BAZ1B: variants seen among roughly 807,000 people sequenced by gnomAD.
BAZ1B encodes the protein bromodomain adjacent to zinc finger domain 1B.
In BAZ1B, 22 loss-of-function variants were observed where a neutral mutation model predicts 153.8. The ratio of observed to expected loss-of-function variants is 0.14; its 90% CI spans 0.10 to 0.20. The LOEUF is 0.20. BAZ1B is among the 10% of genes least tolerant of loss of function. The pLI is 1.00. For synonymous variants in BAZ1B, 676 were observed against 633.4 expected, an observed-to-expected ratio of 1.07 and a Z score of -1.01; for missense variants, 1,325 against 1,799.3, an observed-to-expected ratio of 0.74 and a Z score of 4.77.
intron 7 of BAZ1B, among the ~76,000 whole-genome samples, chr7:73,474,593 T>A (rs568031641): frequency 5.9e-5 from 9 of 152,238 alleles, no homozygotes; most frequent in Non-Finnish European, 1.2e-4. Context: ...CTGGTCAACA[T>A]GGTGAAAACC....
At chr7:73,511,040 G>A (rs573810702) in intron 1 of BAZ1B, among the ~76,000 whole-genome samples, 188 bp from the exon 2 acceptor site, 6 of 152,192 alleles carry the variant, frequency 3.9e-5, no homozygotes, top group Non-Finnish European at 5.9e-5. Flanking sequence ...GGGAGGCCGA[G>A]GCGGGCGGAT....
At position 73,449,419 on chromosome 7, in the gene BAZ1B, G is replaced by C. The variant is rs1787951354; in HGVS notation, c.3728+123C>G. On this transcript the variant is annotated intron_variant, in intron 15 of 19. Transcript: ENST00000339594. ...CTATTGAAGTACTGTAAATGATCAG[G>C]CTCTGTACCCAAAAGATGAACTTAA... The C allele has an allele frequency of 3.3e-5, 40 of 1,199,138 alleles. 1 individual carries two copies. The South Asian group carries it at 6.7e-4, about 20-fold the overall frequency. The allele number at this position is 1,199,138 out of a possible 1,614,324, so 74.3% of individuals were successfully genotyped here.
chr7:73,488,073 G>A (rs1371472601), intron 6 of BAZ1B, among the ~76,000 whole-genome samples: 1 of 152,112 alleles, frequency 6.6e-6, no homozygotes, highest in Non-Finnish European at 1.5e-5. Context: ...ATAATTAAAT[G>A]AAATGGGAAA....
intron 7 of BAZ1B, 147 bp downstream of exon 7, chr7:73,476,721 T>TAA: frequency 1.5e-6 from 2 of 1,326,208 alleles, no homozygotes; most frequent in Non-Finnish European, 2.0e-6. Context: ...ACAGAACTAA[T>TAA]AAAAAATAAA....
At chr7:73,471,816 G>C (rs1160787846) in intron 7 of BAZ1B, among the ~76,000 whole-genome samples, 3 of 151,430 alleles carry the variant, frequency 2.0e-5, no homozygotes, top group Non-Finnish European at 4.4e-5. Flanking sequence ...TAGCCCAAGT[G>C]AAACTGTGTA....
At chr7:73,455,536 C>A (rs993865772) in intron 13 of BAZ1B, among the ~76,000 whole-genome samples, 4 of 152,060 alleles carry the variant, frequency 2.6e-5, no homozygotes, top group African/African-American at 9.7e-5. Flanking sequence ...AATCTCAGCA[C>A]TTTGGGAGGC....
chr7:73,485,625 GAA>G (rs71517389), intron 6 of BAZ1B, among the ~76,000 whole-genome samples: 169 of 76,226 alleles, frequency 2.2e-3, no homozygotes, highest in African/African-American at 6.0e-3. Flanking sequence ...GCCTACCTCA[GAA>G]AAAAAAAAAA....
chr7:73,443,987 C>T lies in BAZ1B; in HGVS notation c.3987G>A (p.Glu1329=), dbSNP rs566396257. The T allele has an allele frequency of 1.2e-6, 2 of 1,613,264 alleles. No individual in the cohort carries two copies. Among genetic ancestry groups the T allele is most frequent in the Non-Finnish European group, 1.7e-6 (2 of 1,179,666 alleles). ...APPVDDAEVD[E]LVLQTKRSSR... is the part of the protein sequence containing the mutation. ...AGGGATGATAAATAATTCTCACCAG[C>T]TCATCCACCTCAGCATCATCCACAG... Residue 1329 remains glutamate, a synonymous_variant, in exon 17 of 20, where the codon GAG becomes GAA. Coordinates refer to ENST00000339594, the MANE Select transcript of BAZ1B (RefSeq NM_032408.4).
intron 6 of BAZ1B, among the ~76,000 whole-genome samples, chr7:73,486,568 C>T (rs896473799): frequency 2.6e-5 from 4 of 152,092 alleles, no homozygotes; most frequent in Non-Finnish European, 4.4e-5. Context: ...CCTCGTGATC[C>T]GCCCAACTCG....
chr7:73,493,548 AAT>A (rs567907983), intron 4 of BAZ1B, among the ~76,000 whole-genome samples: 69 of 151,848 alleles, frequency 4.5e-4, no homozygotes, highest in Non-Finnish European at 8.4e-4. Context: ...GATGAGTAAG[AAT>A]ATGACTTGGG....
intron 6 of BAZ1B, among the ~76,000 whole-genome samples, chr7:73,484,346 T>C (rs1335221860): frequency 5.3e-5 from 8 of 151,568 alleles, no homozygotes; most frequent in African/African-American, 1.9e-4. Context: ...CAGATATAGA[T>C]AGATAGATCA....
intron 6 of BAZ1B, among the ~76,000 whole-genome samples, chr7:73,479,508 CA>C (rs565909571): frequency 0.013 from 902 of 66,918 alleles, 2 homozygotes; most frequent in Middle Eastern, 0.039. Flanking sequence ...ACCCCCGTCT[CA>C]AAAAAAAAAA....
In BAZ1B at chr7:73,492,931, T is replaced by G. The variant is rs781938630; in HGVS notation, c.572-10A>C. ...CTACGTGCTCTGTCATCTAGTCAAA[T>G]CATAGAAAATTAGTGAAAAACGTAA... On this transcript the variant is annotated splice_polypyrimidine_tract_variant and intron_variant, in intron 4 of 19. Transcript: ENST00000339594. 1 of 1,577,666 alleles carries G rather than the reference T, an allele frequency of 6.3e-7. No individual in the cohort carries two copies. The highest frequency in any genetic ancestry group is 1.2e-5 in the South Asian group (1 of 84,710).
At chr7:73,521,525 G>C (rs1473415397) in intron 1 of BAZ1B, among the ~76,000 whole-genome samples, 1 of 152,156 alleles carries the variant, frequency 6.6e-6, no homozygotes, top group South Asian at 2.1e-4. Flanking sequence ...AAGCCAACCC[G>C]GGGAAGGTAA....
At chr7:73,475,407 A>G (rs1445044255) in intron 7 of BAZ1B, among the ~76,000 whole-genome samples, 8 of 152,264 alleles carry the variant, frequency 5.3e-5, no homozygotes, top group Non-Finnish European at 1.2e-4. Flanking sequence ...GGAATGAAGT[A>G]CTAACACATG....
chr7:73,521,444 T>C (rs1286818720), intron 1 of BAZ1B, among the ~76,000 whole-genome samples: 1 of 152,144 alleles, frequency 6.6e-6, no homozygotes, highest in African/African-American at 2.4e-5. Context: ...AAAATTTTTG[T>C]AAAAATTAAA....
intron 13 of BAZ1B, among the ~76,000 whole-genome samples, chr7:73,455,192 T>C (rs1788152123): frequency 6.6e-6 from 1 of 152,042 alleles, no homozygotes; most frequent in Admixed American, 6.5e-5. Context: ...GTCCTGAACT[T>C]AAGGCTTTTT....
At position 73,444,083 on chromosome 7, in the gene BAZ1B, A is replaced by G. The variant is rs782216324; in HGVS notation, c.3891T>C (p.Pro1297=). ...CCGGGCGCCGGCCTGACCTTGCTGC[A>G]GGGGGGATGACGCTGTGCTTGCCCC... The part of the protein sequence containing the change: ...TIRGKHSVIP[P]AARSGRRPGK... Residue 1297 remains proline (P), a synonymous_variant, in exon 17 of 20, where the codon CCT becomes CCC. Coordinates refer to ENST00000339594, the MANE Select transcript of BAZ1B (RefSeq NM_032408.4). The G allele has an allele frequency of 1.9e-6, 3 of 1,613,152 alleles. No individual in the cohort carries two copies. Among genetic ancestry groups the G allele is most frequent in the South Asian group, 2.2e-5 (2 of 90,840 alleles).
intron 7 of BAZ1B, among the ~76,000 whole-genome samples, chr7:73,473,996 G>A (rs1427247048): frequency 6.6e-6 from 1 of 152,074 alleles, no homozygotes; most frequent in Non-Finnish European, 1.5e-5. Flanking sequence ...TGTTGAAAAA[G>A]AACAAGCTGG....
Sources: gnomAD v4.1 joint callset for allele counts (sites outside exome capture counted in the v4.1 genomes callset) on GRCh38, gnomAD v4.1.1 for gene constraint, MANE v1.5 for transcripts, NCBI Gene and HGNC (gene_info 2026-07-23, HGNC 2026-07-21) for gene names.